The following DYNC1I1 variants were observed in gnomAD, a reference collection of about 807,000 sequenced individuals.
The protein encoded by DYNC1I1 is dynein cytoplasmic 1 intermediate chain 1, also known as cytoplasmic dynein 1 intermediate chain 1.
A neutral mutation model predicts 86.6 loss-of-function variants in DYNC1I1; 43 were observed. The observed-to-expected ratio is 0.50, with a 90% CI of 0.39 to 0.64. The LOEUF (loss-of-function observed/expected upper bound fraction) is 0.64, where lower values mean the gene tolerates loss of function less well. Ranked by LOEUF, DYNC1I1 falls within the 30% of genes least tolerant of loss-of-function variation. DYNC1I1 has a pLI of 0.00. For missense variants in DYNC1I1, 604 were observed against 788.8 expected, an observed-to-expected ratio of 0.77 and a Z score of 2.81; for synonymous variants, 262 against 283.7, an observed-to-expected ratio of 0.92 and a Z score of 0.77.
rs1456775179 is a variant in DYNC1I1, at chr7:95,943,441, A to G, written c.491-34071A>G. On this transcript the variant is annotated intron_variant, in intron 6 of 16. Transcript: ENST00000447467. ...AGGAATCAATATCGTGAAAATGGCC[A>G]TACTGCCCAAGGTAATTTATAGATT... Among the ~76,000 whole-genome samples, 9 of 151,004 alleles carry G rather than the reference A, an allele frequency of 6.0e-5. 1 individual carries two copies. In the South Asian group the frequency reaches 1.9e-3, roughly 32 times the overall value.
At chr7:95,861,822 G>A (rs1562925904) in intron 5 of DYNC1I1, among the ~76,000 whole-genome samples, 1 of 152,148 alleles carries the variant, frequency 6.6e-6, no homozygotes, top group Non-Finnish European at 1.5e-5. Flanking sequence ...GAAACTTGCA[G>A]GTGATGGGGT....
intron 5 of DYNC1I1, among the ~76,000 whole-genome samples, chr7:95,850,461 A>T (rs1789547431): frequency 6.6e-6 from 1 of 152,198 alleles, no homozygotes; most frequent in Non-Finnish European, 1.5e-5. Context: ...TATTGAAATG[A>T]TCATAAAAGT....
chr7:95,772,860 G>T, intron 1 of DYNC1I1, 87 bp downstream of exon 1: 1 of 152,174 alleles, frequency 6.6e-6, no homozygotes, highest in East Asian at 1.9e-4. Flanking sequence ...CGTCTGCGCT[G>T]GGAACCAGGC....
chr7:95,961,968 C>G (rs1584203097), intron 6 of DYNC1I1, among the ~76,000 whole-genome samples: 1 of 152,182 alleles, frequency 6.6e-6, no homozygotes, highest in African/African-American at 2.4e-5. Context: ...TGACTTCACA[C>G]CCTCCTTCAT....
chr7:95,871,742 C>T (rs1790175909), intron 6 of DYNC1I1, among the ~76,000 whole-genome samples: 1 of 152,142 alleles, frequency 6.6e-6, no homozygotes, highest in African/African-American at 2.4e-5. Context: ...GCTGTACATT[C>T]CATTTTATTA....
chr7:95,820,700 G>A (rs773393096), intron 4 of DYNC1I1, among the ~76,000 whole-genome samples: 3 of 152,196 alleles, frequency 2.0e-5, no homozygotes, highest in South Asian at 2.1e-4. Context: ...TGGCTGGACC[G>A]CTTTTGTTTT....
chr7:95,948,531 C>T (rs1370826142), intron 6 of DYNC1I1, among the ~76,000 whole-genome samples: 3 of 152,092 alleles, frequency 2.0e-5, no homozygotes, highest in Non-Finnish European at 4.4e-5. Flanking sequence ...CTAGTTGGTT[C>T]TTGAGTTGAC....
chr7:96,052,369 G>A (rs1562986481), intron 14 of DYNC1I1, among the ~76,000 whole-genome samples: 1 of 152,086 alleles, frequency 6.6e-6, no homozygotes, highest in Non-Finnish European at 1.5e-5. Context: ...AGAAAGGAAA[G>A]GGCATTCAAG....
intron 10 of DYNC1I1, among the ~76,000 whole-genome samples, chr7:96,020,421 A>G (rs1270447388): frequency 6.6e-6 from 1 of 152,128 alleles, no homozygotes; most frequent in Non-Finnish European, 1.5e-5. Flanking sequence ...ACTCCCCCTT[A>G]TAATACCATC....
At chr7:96,059,901 A>C (rs1789710770) in intron 14 of DYNC1I1, among the ~76,000 whole-genome samples, 1 of 152,216 alleles carries the variant, frequency 6.6e-6, no homozygotes, top group South Asian at 2.1e-4. Context: ...CAGTGGTCAG[A>C]TAATGTATGG....
intron 16 of DYNC1I1, among the ~76,000 whole-genome samples, chr7:96,082,844 A>G (rs1284783556): frequency 6.6e-6 from 1 of 152,174 alleles, no homozygotes; most frequent in Non-Finnish European, 1.5e-5. Context: ...GGATGCTATC[A>G]TCATTTCTAA....
chr7:95,903,022 G>A (rs1192220543), intron 6 of DYNC1I1, among the ~76,000 whole-genome samples: 1 of 152,104 alleles, frequency 6.6e-6, no homozygotes, highest in African/African-American at 2.4e-5. Context: ...TAATTTAGTT[G>A]AGCCTTGTGC....
intron 6 of DYNC1I1, among the ~76,000 whole-genome samples, chr7:95,957,505 C>T (rs796394134): frequency 3.3e-5 from 5 of 152,270 alleles, no homozygotes; most frequent in South Asian, 2.1e-4. Flanking sequence ...CAGAGTTGTT[C>T]GTCCTCCAGA....
intron 1 of DYNC1I1, among the ~76,000 whole-genome samples, chr7:95,777,250 G>T (rs902081462): frequency 6.6e-6 from 1 of 152,190 alleles, no homozygotes; most frequent in Non-Finnish European, 1.5e-5. Context: ...AAGGTGAGTT[G>T]AAACTCCACA....
intron 6 of DYNC1I1, among the ~76,000 whole-genome samples, chr7:95,884,159 C>T (rs1279486293): frequency 1.3e-5 from 2 of 152,164 alleles, no homozygotes; most frequent in Non-Finnish European, 2.9e-5. Context: ...GCAGTCTTTA[C>T]ATCATCTTCA....
At chr7:95,871,998 A>T (rs988877002) in intron 6 of DYNC1I1, among the ~76,000 whole-genome samples, 4 of 152,236 alleles carry the variant, frequency 2.6e-5, no homozygotes, top group African/African-American at 9.6e-5. Context: ...ATTTGGGTTC[A>T]GCAAACTGCC....
chr7:95,787,670 G>A (rs769426501), intron 1 of DYNC1I1, among the ~76,000 whole-genome samples: 44 of 152,012 alleles, frequency 2.9e-4, no homozygotes, highest in Non-Finnish European at 5.0e-4. Flanking sequence ...CCAATACATC[G>A]GTGAACAATA....
intron 4 of DYNC1I1, among the ~76,000 whole-genome samples, chr7:95,820,489 A>G (rs1259252498): frequency 6.6e-6 from 1 of 152,230 alleles, no homozygotes; most frequent in East Asian, 1.9e-4. Flanking sequence ...GCACTGGCTG[A>G]TTAATCACTA....
intron 14 of DYNC1I1, among the ~76,000 whole-genome samples, chr7:96,051,980 A>G (rs934476770): frequency 1.3e-5 from 2 of 152,218 alleles, no homozygotes; most frequent in Non-Finnish European, 2.9e-5. Flanking sequence ...CTCTTGAATC[A>G]CAGTGAGTAT....
Sources: gnomAD v4.1 joint callset for allele counts (sites outside exome capture counted in the v4.1 genomes callset) on GRCh38, gnomAD v4.1.1 for gene constraint, MANE v1.5 for transcripts, NCBI Gene and HGNC (gene_info 2026-07-23, HGNC 2026-07-21) for gene names.